CCDC18: variants seen among roughly 807,000 people sequenced by gnomAD.
The protein encoded by CCDC18 is coiled-coil domain containing 18.
A neutral mutation model predicts 196.0 loss-of-function variants in CCDC18; 157 were observed. The ratio of observed to expected loss-of-function variants is 0.80; its 90% CI spans 0.70 to 0.91. CCDC18 has a LOEUF of 0.91. CCDC18 is among the 40% of genes least tolerant of loss of function. The pLI, the probability that CCDC18 is intolerant of heterozygous loss-of-function variation, is 0.00. For synonymous variants in CCDC18, 482 were observed against 529.2 expected, an observed-to-expected ratio of 0.91 and a Z score of 1.22; for missense variants, 1,465 against 1,611.6, an observed-to-expected ratio of 0.91 and a Z score of 1.56.
chr1:93,217,894 G>A, intron 14 of CCDC18, 25 bp downstream of exon 14: 2 of 1,573,580 alleles, frequency 1.3e-6, no homozygotes, highest in Non-Finnish European at 1.7e-6. Context: ...TTTAGAATAT[G>A]AGTGCTGAAA....
At chr1:93,193,380 A>G (rs368623599) in intron 5 of CCDC18, among the ~76,000 whole-genome samples, 34 of 152,278 alleles carry the variant, frequency 2.2e-4, no homozygotes, top group African/African-American at 7.9e-4. Context: ...CTGACTATAA[A>G]ATACGATGTG....
At chr1:93,180,086 G>A (rs1382939447), upstream of CCDC18, 2 of 1,613,472 alleles carry the variant, frequency 1.2e-6, no homozygotes, top group Non-Finnish European at 1.7e-6. Context: ...GCCTTCAGGG[G>A]CATGGGCTGG....
At chr1:93,237,419 T>C (rs1361895476) in intron 19 of CCDC18, among the ~76,000 whole-genome samples, 1 of 152,144 alleles carries the variant, frequency 6.6e-6, no homozygotes, top group Non-Finnish European at 1.5e-5. Context: ...CAAAAAACTC[T>C]CCACACATTC....
intron 17 of CCDC18, among the ~76,000 whole-genome samples, chr1:93,229,036 C>G (rs993993961): frequency 6.6e-6 from 1 of 152,174 alleles, no homozygotes; most frequent in Non-Finnish European, 1.5e-5. Context: ...AATTCTCCTG[C>G]CTCAGCCTTC....
chr1:93,270,413 C>T lies in CCDC18; in HGVS notation c.3952C>T (p.Leu1318=), dbSNP rs771832787. ...GHEKAEDIKF[L]PAPFTSPTEI... ...TGAAAAGGCAGAAGACATCAAGTTT[C>T]TGCCAGCCCCATTTACATCTCCAAC... Residue 1318 remains leucine (L), a synonymous_variant, in exon 28 of 29, where the codon CTG becomes TTG. Coordinates refer to ENST00000690025, the MANE Select transcript of CCDC18 (RefSeq NM_001378204.1). 1.4e-5 allele frequency: 21 copies of T among 1,550,280 alleles called. No homozygotes were observed. In the African/African-American group the frequency reaches 2.6e-4, roughly 19 times the overall value.
chr1:93,217,471 G>A (rs946541312), intron 13 of CCDC18, among the ~76,000 whole-genome samples: 17 of 151,922 alleles, frequency 1.1e-4, no homozygotes, highest in African/African-American at 3.9e-4. Flanking sequence ...TTGAGACAAA[G>A]TCTCACTCTG....
At chr1:93,255,769 G>GGAAGAGGAA (rs3067453) in intron 24 of CCDC18, among the ~76,000 whole-genome samples, 38,264 of 145,000 alleles carry the variant, frequency 0.26, 7,807 homozygotes, top group African/African-American at 0.57. Context: ...AAGAAGAGGA[G>GGAAGAGGAA]GAAGAGGAAG....
chr1:93,191,899 G>C lies in CCDC18; in HGVS notation c.463-101G>C, dbSNP rs555860118. 105 of 691,266 alleles carry C rather than the reference G, an allele frequency of 1.5e-4. No individual in the cohort carries two copies. The African/African-American group carries it at 1.7e-3, about 12-fold the overall frequency. 42.8% of individuals were successfully genotyped at this position (691,266 alleles called of 1,614,324 possible). A position where few individuals can be genotyped will look rare whatever the true frequency, so the allele number is the denominator to read the frequency against. ...AGCTTTATATCTGACCAATGATTTG[G>C]GAGCCCTATTGAACACCCTCATCTG... On this transcript the variant is annotated intron_variant, in intron 4 of 28. Transcript: ENST00000690025.
intron 26 of CCDC18, among the ~76,000 whole-genome samples, chr1:93,264,222 A>G (rs761447419): frequency 5.9e-5 from 9 of 152,090 alleles, no homozygotes; most frequent in Non-Finnish European, 1.2e-4. Flanking sequence ...ATCACCTCCC[A>G]CCAGGTTGCT....
Position 93,226,624 on chromosome 1 carries a change from C to T in CCDC18, c.2292+175C>T, listed in dbSNP as rs188922272. ...TCTTGGCTCACTTGAACCTCTGCCT[C>T]CTGGGTTCAAGCAATTCTTGTGCCT... On this transcript the variant is annotated intron_variant, in intron 17 of 28. Coordinates refer to ENST00000690025, the MANE Select transcript of CCDC18 (RefSeq NM_001378204.1). 2.7e-3 allele frequency among the ~76,000 whole-genome samples: 414 copies of T among 151,874 alleles called. 2 individuals carry two copies. Among genetic ancestry groups the T allele is most frequent in the Admixed American group, 5.8e-3 (88 of 15,252 alleles).
At position 93,270,532 on chromosome 1, in the gene CCDC18, C is replaced by T. The variant is rs1665141334; in HGVS notation, c.4071C>T (p.Ala1357=). The T allele has an allele frequency of 1.9e-6, 3 of 1,550,376 alleles. No individual in the cohort carries two copies. Among genetic ancestry groups the T allele is most frequent in the Non-Finnish European group, 2.6e-6 (3 of 1,146,882 alleles). ...KCTKLRRSIS[A]SDLTFKIHGD... is the part of the protein sequence containing the mutation. ...CAAAATTACGTCGCTCTATTAGTGC[C>T]AGTGATCTTACTTTCAAAATTCATG... Residue 1357 remains alanine (A), a synonymous_variant, in exon 28 of 29, where the codon GCC becomes GCT. Coordinates refer to ENST00000690025, the MANE Select transcript of CCDC18 (RefSeq NM_001378204.1).
chr1:93,195,794 C>T (rs576661317), intron 6 of CCDC18, among the ~76,000 whole-genome samples: 9 of 152,256 alleles, frequency 5.9e-5, no homozygotes, highest in African/African-American at 1.4e-4. Flanking sequence ...TCCCAGCCTC[C>T]GGAACTGTGA....
At chr1:93,198,824 T>A (rs992175750) in intron 6 of CCDC18, among the ~76,000 whole-genome samples, 4 of 152,070 alleles carry the variant, frequency 2.6e-5, no homozygotes, top group African/African-American at 9.7e-5. Context: ...ATTTTTAAAT[T>A]TTTTTTACAC....
At chr1:93,260,995 C>T (rs927161306) in intron 26 of CCDC18, among the ~76,000 whole-genome samples, 2 of 152,180 alleles carry the variant, frequency 1.3e-5, no homozygotes, top group Non-Finnish European at 2.9e-5. Flanking sequence ...ATATGTGCCA[C>T]ATTTTCTTTA....
At position 93,212,108 on chromosome 1, in the gene CCDC18, C is replaced by G; in HGVS notation, c.1342C>G (p.Leu448Val). ...KLVISELRIK[L>V]AIKEAEIQKL... Reference sequence around the variant, plus strand: ...TCTTTTCTTTTGTGCCAGAATTAAGCTTGCAATAAAAGAGGCAGAAATTCA... The same window carrying G: ...TCTTTTCTTTTGTGCCAGAATTAAGGTTGCAATAAAAGAGGCAGAAATTCA... The change falls in exon 11 of 29, where the codon CTT becomes GTT. Residue 448 changes from leucine (L) to valine (V), a missense_variant. Leu to Val is a conservative substitution (Grantham distance 32). Coordinates refer to ENST00000690025, the MANE Select transcript of CCDC18 (RefSeq NM_001378204.1). 1 of 1,596,276 alleles carries G rather than the reference C, an allele frequency of 6.3e-7. No homozygotes were observed. Among genetic ancestry groups the G allele is most frequent in the Admixed American group, 1.8e-5 (1 of 55,332 alleles).
chr1:93,229,495 G>A (rs763763759), intron 17 of CCDC18, among the ~76,000 whole-genome samples: 3 of 152,138 alleles, frequency 2.0e-5, no homozygotes, highest in Non-Finnish European at 4.4e-5. Context: ...CATCCATTCC[G>A]TTAATAATAG....
rs772968533 is a variant in CCDC18 at position 93,183,976 on chromosome 1, A to G, written c.135-2A>G. 1.0e-5 allele frequency: 15 copies of G among 1,503,558 alleles called. No individual in the cohort carries two copies. The East Asian group carries it at 2.6e-4, about 26-fold the overall frequency. The allele number at this position is 1,503,558 out of a possible 1,614,324, so 93.1% of individuals were successfully genotyped here. On this transcript the variant is annotated splice_acceptor_variant, in intron 2 of 28. Coordinates refer to ENST00000690025, the MANE Select transcript of CCDC18 (RefSeq NM_001378204.1). LOFTEE classifies it high-confidence loss of function. The stretch of plus-strand genomic sequence containing the variant: ...GAAATATGTTTTTTCTTTTTTCTCT[A>G]GTGTTAGTCCAAGTGAAAATTCTGA...
In CCDC18 at chr1:93,271,109, G is replaced by T. The variant is rs1026460771; in HGVS notation, c.4353+295G>T. The T allele has an allele frequency of 5.1e-6, 5 of 983,508 alleles. No individual in the cohort carries two copies. The African/African-American group carries it at 8.8e-5, about 17-fold the overall frequency. 60.9% of individuals were successfully genotyped at this position (983,508 alleles called of 1,614,324 possible). Reference sequence around the variant, plus strand: ...AAAAAAATTAAAAAACTGAAAAAAAGAAAAATGGTAAGAAATATGCAGTGA... The same window carrying T: ...AAAAAAATTAAAAAACTGAAAAAAATAAAAATGGTAAGAAATATGCAGTGA... On this transcript the variant is annotated intron_variant, in intron 28 of 28. Coordinates refer to ENST00000690025, the MANE Select transcript of CCDC18 (RefSeq NM_001378204.1).
chr1:93,239,942 A>G (rs1660546193), intron 21 of CCDC18, 46 bp downstream of exon 21: 9 of 1,243,940 alleles, frequency 7.2e-6, no homozygotes, highest in Non-Finnish European at 1.0e-5. Flanking sequence ...AAGTCCTTGG[A>G]TAATACAATA....
Sources: allele counts gnomAD v4.1 joint callset (sites outside exome capture counted in the v4.1 genomes callset), GRCh38; gene constraint gnomAD v4.1.1; transcripts MANE v1.5; gene names NCBI Gene and HGNC (gene_info 2026-07-23, HGNC 2026-07-21).